The following ARL15 variants were observed in gnomAD, a reference collection of about 807,000 sequenced individuals.
The protein encoded by ARL15 is ARF like GTPase 15.
A neutral mutation model predicts 25.2 loss-of-function variants in ARL15; 19 were observed. The ratio of observed to expected loss-of-function variants is 0.75; its 90% CI spans 0.53 to 1.10. The LOEUF is 1.10. ARL15 is among the 50% of genes least tolerant of loss of function. The pLI is 0.00. For synonymous variants in ARL15, 94 were observed against 86.8 expected, an observed-to-expected ratio of 1.08 and a Z score of -0.46; for missense variants, 220 against 246.0, an observed-to-expected ratio of 0.89 and a Z score of 0.71.
At chr5:53,904,910 T>G (rs1745191002) in intron 4 of ARL15, among the ~76,000 whole-genome samples, 1 of 152,002 alleles carries the variant, frequency 6.6e-6, no homozygotes, top group African/African-American at 2.4e-5. Context: ...GTATTTTTAG[T>G]AGAGATGGGG....
chr5:54,166,299 A>G (rs1240905616), intron 2 of ARL15, among the ~76,000 whole-genome samples: 1 of 152,014 alleles, frequency 6.6e-6, no homozygotes, highest in East Asian at 1.9e-4. Context: ...GGATCAAGCA[A>G]TCCTCCTACT....
intron 4 of ARL15, among the ~76,000 whole-genome samples, chr5:53,908,612 G>C (rs1476752502): frequency 1.3e-5 from 2 of 152,164 alleles, no homozygotes; most frequent in African/African-American, 4.8e-5. Flanking sequence ...ACTATCTGTA[G>C]TTTCAGGCAT....
At chr5:54,165,954 T>A (rs911444381) in intron 2 of ARL15, among the ~76,000 whole-genome samples, 1 of 152,080 alleles carries the variant, frequency 6.6e-6, no homozygotes, top group Non-Finnish European at 1.5e-5. Flanking sequence ...TTCAACTGGC[T>A]GGATGAGGCC....
chr5:53,932,305 A>C (rs1028384903), intron 4 of ARL15, among the ~76,000 whole-genome samples: 1 of 152,220 alleles, frequency 6.6e-6, no homozygotes, highest in African/African-American at 2.4e-5. Flanking sequence ...AACTAAACTT[A>C]AAAAGTTTTG....
At chr5:53,993,510 T>G (rs1414259299) in intron 4 of ARL15, among the ~76,000 whole-genome samples, 1 of 152,208 alleles carries the variant, frequency 6.6e-6, no homozygotes, top group Admixed American at 6.5e-5. Context: ...CACAATTTCC[T>G]TTTCTATCTT....
intron 4 of ARL15, among the ~76,000 whole-genome samples, chr5:53,907,127 T>C (rs1745270441): frequency 2.0e-5 from 3 of 151,982 alleles, no homozygotes; most frequent in South Asian, 4.1e-4. Context: ...TAGCAAGAAG[T>C]ACAGCTTCCT....
intron 1 of ARL15, among the ~76,000 whole-genome samples, chr5:54,288,965 A>T (rs912852099): frequency 1.4e-4 from 22 of 152,214 alleles, no homozygotes; most frequent in African/African-American, 5.3e-4. Context: ...AGCCTACAGC[A>T]TATTTTGCAA....
chr5:53,950,441 G>C (rs1429625260), intron 4 of ARL15, among the ~76,000 whole-genome samples: 1 of 152,180 alleles, frequency 6.6e-6, no homozygotes, highest in East Asian at 1.9e-4. Context: ...ACTGGAGACA[G>C]AGGGGGAATC....
At chr5:53,902,682 C>CCCAT (rs1745106106) in intron 4 of ARL15, among the ~76,000 whole-genome samples, 1 of 152,176 alleles carries the variant, frequency 6.6e-6, no homozygotes, top group African/African-American at 2.4e-5. Flanking sequence ...AAACAGGAGA[C>CCCAT]AGACAAATAT....
chr5:53,985,958 A>T (rs2111626164), intron 4 of ARL15, among the ~76,000 whole-genome samples: 1 of 152,268 alleles, frequency 6.6e-6, no homozygotes, highest in East Asian at 1.9e-4. Context: ...TCTCTGTAGG[A>T]ATTTTTCGGT....
chr5:53,936,181 T>C (rs1746344446), intron 4 of ARL15, among the ~76,000 whole-genome samples: 1 of 152,248 alleles, frequency 6.6e-6, no homozygotes. Flanking sequence ...ATGTTAGGCC[T>C]CTTTTCCTAG....
intron 3 of ARL15, among the ~76,000 whole-genome samples, chr5:54,114,800 G>T (rs189757786): frequency 1.5e-4 from 23 of 152,050 alleles, no homozygotes; most frequent in Non-Finnish European, 2.9e-4. Flanking sequence ...AATAGGAGGG[G>T]CAATATGTGT....
rs565754550 is a variant in ARL15 at position 53,901,482 on chromosome 5, C to T, written c.463-14769G>A. 2.6e-5 allele frequency among the ~76,000 whole-genome samples: 4 copies of T among 152,104 alleles called. No homozygotes were observed. In the South Asian group the frequency reaches 8.3e-4, roughly 31 times the overall value. ...AGCCCCAAACACATATTAGAGACAA[C>T]CAATTAGCTTGTCTGAAACACAGGC... On this transcript the variant is annotated intron_variant, in intron 4 of 4. Coordinates refer to ENST00000504924, the MANE Select transcript of ARL15 (RefSeq NM_019087.3).
intron 1 of ARL15, among the ~76,000 whole-genome samples, chr5:54,196,217 A>G (rs1755545144): frequency 6.6e-6 from 1 of 152,184 alleles, no homozygotes; most frequent in Non-Finnish European, 1.5e-5. Context: ...CTCAACATAG[A>G]TGAACTTACT....
chr5:53,973,143 A>C (rs1450509030), intron 4 of ARL15, among the ~76,000 whole-genome samples: 1 of 152,232 alleles, frequency 6.6e-6, no homozygotes, highest in Non-Finnish European at 1.5e-5. Flanking sequence ...GCCGAGTATG[A>C]GAAATCGAAG....
At chr5:53,942,462 C>T (rs1746568279) in intron 4 of ARL15, among the ~76,000 whole-genome samples, 1 of 152,060 alleles carries the variant, frequency 6.6e-6, no homozygotes, top group African/African-American at 2.4e-5. Flanking sequence ...AACCATGGAC[C>T]AAGGACCAGG....
At chr5:54,201,713 C>T (rs551366796) in intron 1 of ARL15, among the ~76,000 whole-genome samples, 68 of 152,146 alleles carry the variant, frequency 4.5e-4, no homozygotes, top group Admixed American at 9.8e-4. Flanking sequence ...TTTCCTCTTG[C>T]ACTGCAAGAA....
chr5:54,149,714 C>T (rs939296270), intron 3 of ARL15, among the ~76,000 whole-genome samples: 1 of 152,110 alleles, frequency 6.6e-6, no homozygotes, highest in Non-Finnish European at 1.5e-5. Context: ...AAACAAGTCA[C>T]TAGAAGGAAG....
At chr5:53,982,139 C>A (rs1186801598) in intron 4 of ARL15, among the ~76,000 whole-genome samples, 2 of 151,710 alleles carry the variant, frequency 1.3e-5, no homozygotes, top group African/African-American at 4.8e-5. Context: ...CAGGTTTTTC[C>A]CACTGCTTGA....
Sources: allele counts gnomAD v4.1 joint callset (sites outside exome capture counted in the v4.1 genomes callset), GRCh38; gene constraint gnomAD v4.1.1; transcripts MANE v1.5; gene names NCBI Gene and HGNC (gene_info 2026-07-23, HGNC 2026-07-21).